SNRPN: variants seen among roughly 807,000 people sequenced by gnomAD.
The protein encoded by SNRPN is small nuclear ribonucleoprotein polypeptide N.
SNRPN carries 7 observed loss-of-function variants against 25.2 expected under a neutral mutation model. The ratio of observed to expected loss-of-function variants is 0.28; its 90% CI spans 0.16 to 0.52. The LOEUF (loss-of-function observed/expected upper bound fraction) is 0.52. Ranked by LOEUF, SNRPN falls within the 20% of genes least tolerant of loss-of-function variation. The pLI is 0.96. For synonymous variants in SNRPN, 124 were observed against 110.6 expected, an observed-to-expected ratio of 1.12 and a Z score of -0.76; for missense variants, 196 against 322.5, an observed-to-expected ratio of 0.61 and a Z score of 3.00.
At chr15:24,954,975 A>G (rs980620587), upstream of SNRPN, 2 of 1,602,966 alleles carry the variant, frequency 1.2e-6, no homozygotes, top group African/African-American at 1.3e-5. Context: ...CCGCTGCTGC[A>G]GCGAGTCTGG....
At chr15:24,845,109 G>C (rs375467353) in intron 2 of SNRPN, among the ~76,000 whole-genome samples, 3 of 152,062 alleles carry the variant, frequency 2.0e-5, no homozygotes, top group Non-Finnish European at 4.4e-5. Flanking sequence ...CGTGGCACAT[G>C]AGTCAAAAAC....
chr15:24,957,942 G>C (rs2063191358), intron 1 of SNRPN, among the ~76,000 whole-genome samples: 1 of 152,110 alleles, frequency 6.6e-6, no homozygotes, highest in African/African-American at 2.4e-5. Context: ...CAGTGAATTG[G>C]CTCTGTGCTA....
chr15:24,903,323 G>A (rs2058588133), intron 2 of SNRPN, among the ~76,000 whole-genome samples: 1 of 152,180 alleles, frequency 6.6e-6, no homozygotes. Flanking sequence ...TGTAAATTGA[G>A]AATTTTGGTT....
chr15:24,919,430 CA>C (rs59552412), intron 2 of SNRPN, among the ~76,000 whole-genome samples: 4,696 of 128,342 alleles, frequency 0.037, 79 homozygotes, highest in Non-Finnish European at 0.046. Context: ...GACTCTGTCT[CA>C]AAAAAAAAAA....
At chr15:24,974,206 G>T in intron 3 of SNRPN, 105 bp from the exon 4 acceptor site, 1 of 532,576 alleles carries the variant, frequency 1.9e-6, no homozygotes. Context: ...ATGAGAGGAA[G>T]GATGTTTTTG....
At chr15:24,829,912 T>A (rs1386897277) in intron 2 of SNRPN, 1 of 152,054 alleles carries the variant, frequency 6.6e-6, no homozygotes, top group African/African-American at 2.4e-5. Flanking sequence ...TGAGGTGGGT[T>A]TGCAGCTGCA....
At chr15:24,908,744 G>C (rs1255427685) in intron 2 of SNRPN, among the ~76,000 whole-genome samples, 1 of 152,138 alleles carries the variant, frequency 6.6e-6, no homozygotes, top group Non-Finnish European at 1.5e-5. Flanking sequence ...GCTAGGAGTG[G>C]AATTGCACCT....
Position 24,887,625 on chromosome 15 carries a change from G to T in SNRPN, c.-505+1036G>T, listed in dbSNP as rs191060661. On this transcript the variant is annotated intron_variant, in intron 2 of 11. Coordinates refer to the SNRPN transcript ENST00000400097. Reference sequence around the variant, plus strand: ...AAAGTTTTCACATTCTCTGAGATTTGTATACATTGGAGATTCAGAAAAATG... The same window carrying T: ...AAAGTTTTCACATTCTCTGAGATTTTTATACATTGGAGATTCAGAAAAATG... 1.2e-3 allele frequency among the ~76,000 whole-genome samples: 176 copies of T among 152,250 alleles called. 1 individual carries two copies. Among genetic ancestry groups the T allele is most frequent in the African/African-American group, 3.8e-3 (156 of 41,562 alleles).
chr15:24,904,406 G>C (rs1319989627), intron 2 of SNRPN, among the ~76,000 whole-genome samples: 1 of 152,136 alleles, frequency 6.6e-6, no homozygotes, highest in African/African-American at 2.4e-5. Context: ...TGTAATCCTA[G>C]CACTTTGGAA....
chr15:24,896,161 T>A (rs987603035), intron 2 of SNRPN, among the ~76,000 whole-genome samples: 3 of 152,138 alleles, frequency 2.0e-5, no homozygotes, highest in African/African-American at 7.2e-5. Flanking sequence ...AGCATGAAAT[T>A]ACCAGCTGGT....
chr15:24,864,008 T>C (rs1017523472), intron 1 of SNRPN, among the ~76,000 whole-genome samples: 1 of 148,266 alleles, frequency 6.7e-6, no homozygotes, highest in Non-Finnish European at 1.5e-5. Flanking sequence ...ATTTTATTTA[T>C]TTATTTATTT....
At chr15:24,905,527 A>G (rs1244771311) in intron 2 of SNRPN, among the ~76,000 whole-genome samples, 1 of 148,014 alleles carries the variant, frequency 6.8e-6, no homozygotes, top group Non-Finnish European at 1.5e-5. Flanking sequence ...AAAAAAAAAG[A>G]CACATTATTT....
At chr15:24,964,257 C>T (rs973341760) in intron 2 of SNRPN, among the ~76,000 whole-genome samples, 3 of 151,670 alleles carry the variant, frequency 2.0e-5, no homozygotes, top group Non-Finnish European at 4.4e-5. Flanking sequence ...TATAATTTGT[C>T]CTTTATATAT....
At chr15:24,863,379 G>A (rs913970732) in intron 1 of SNRPN, among the ~76,000 whole-genome samples, 14 of 150,444 alleles carry the variant, frequency 9.3e-5, no homozygotes, top group Admixed American at 3.3e-4. Context: ...GGTTGGCAGG[G>A]GGCTGCAGAG....
At chr15:24,941,486 C>A (rs1023142565) in intron 3 of SNRPN, among the ~76,000 whole-genome samples, 1 of 152,160 alleles carries the variant, frequency 6.6e-6, no homozygotes, top group Admixed American at 6.6e-5. Flanking sequence ...GGTGGGGTGA[C>A]CCAAACCTTT....
intron 2 of SNRPN, among the ~76,000 whole-genome samples, chr15:24,896,963 G>A (rs2058115679): frequency 6.6e-6 from 1 of 152,034 alleles, no homozygotes; most frequent in African/African-American, 2.4e-5. Flanking sequence ...ACCAGCCTGG[G>A]CAACATGGTA....
intron 1 of SNRPN, among the ~76,000 whole-genome samples, chr15:24,960,454 C>G (rs1237621501): frequency 6.6e-6 from 1 of 152,008 alleles, no homozygotes; most frequent in African/African-American, 2.4e-5. Flanking sequence ...GCCCTCTCAC[C>G]TTAGCCTCCT....
At chr15:24,846,539 A>G (rs2052213435) in intron 2 of SNRPN, among the ~76,000 whole-genome samples, 1 of 152,250 alleles carries the variant, frequency 6.6e-6, no homozygotes. Context: ...ATGCATGGGC[A>G]TACAAACCAA....
At chr15:24,958,574 C>G (rs955720396) in intron 1 of SNRPN, among the ~76,000 whole-genome samples, 2 of 137,778 alleles carry the variant, frequency 1.5e-5, no homozygotes, top group Admixed American at 8.0e-5. Flanking sequence ...CTGCTAGACT[C>G]AAGCTATATC....
Sources: gnomAD v4.1 joint callset for allele counts (sites outside exome capture counted in the v4.1 genomes callset) on GRCh38, gnomAD v4.1.1 for gene constraint, MANE v1.5 for transcripts, NCBI Gene and HGNC (gene_info 2026-07-23, HGNC 2026-07-21) for gene names.